The following OSBPL8 variants were observed in gnomAD, a reference collection of about 807,000 sequenced individuals.
OSBPL8 encodes the protein oxysterol-binding protein-related protein 8.
Under a neutral mutation model 125.5 loss-of-function variants are expected in OSBPL8, and 59 were observed. The observed-to-expected ratio is 0.47, with a 90% CI of 0.38 to 0.58. OSBPL8 has a LOEUF of 0.58. Among genes scored for constraint, OSBPL8 ranks in the 20% least tolerant of loss-of-function variants. The pLI, the probability that OSBPL8 is intolerant of heterozygous loss-of-function variation, is 0.00. For missense variants in OSBPL8, 758 were observed against 1,047.8 expected (o/e 0.72, Z 3.82); for synonymous variants, 330 against 338.9 (o/e 0.97, Z 0.29).
chr12:76,451,140 C>T, intron 3 of OSBPL8, 152 bp from the exon 4 acceptor site: 1 of 868,306 alleles, frequency 1.2e-6, no homozygotes, highest in Non-Finnish European at 1.7e-6. Context: ...TCACAGTCAT[C>T]TTGTTTTCAT....
At chr12:76,418,827 C>G (rs1869084032) in intron 4 of OSBPL8, among the ~76,000 whole-genome samples, 1 of 151,950 alleles carries the variant, frequency 6.6e-6, no homozygotes, top group Non-Finnish European at 1.5e-5. Context: ...AGTGAGACTC[C>G]ATCTCAAAAC....
intron 4 of OSBPL8, among the ~76,000 whole-genome samples, chr12:76,414,410 T>C (rs1868365179): frequency 6.6e-6 from 1 of 150,382 alleles, no homozygotes; most frequent in African/African-American, 2.4e-5. Flanking sequence ...TTGGTACATA[T>C]ATTAATATAT....
chr12:76,380,447 T>A (rs1178320084), intron 15 of OSBPL8, among the ~76,000 whole-genome samples: 1 of 140,600 alleles, frequency 7.1e-6, no homozygotes, highest in East Asian at 2.2e-4. Context: ...GTGCCTGTAA[T>A]CCCAGCTACT....
intron 1 of OSBPL8, among the ~76,000 whole-genome samples, chr12:76,555,482 T>C (rs1951066171): frequency 6.6e-6 from 1 of 152,178 alleles, no homozygotes; most frequent in African/African-American, 2.4e-5. Flanking sequence ...CAAGCAAATA[T>C]TAGAGTTCAT....
intron 4 of OSBPL8, among the ~76,000 whole-genome samples, chr12:76,421,525 CAGA>C (rs1175656267): frequency 1.3e-5 from 2 of 151,998 alleles, no homozygotes; most frequent in Admixed American, 1.3e-4. Flanking sequence ...TTCACTATCT[CAGA>C]AGAACACATA....
chr12:76,352,243 CA>C lies in OSBPL8; in HGVS notation c.*3645del, dbSNP rs887101884. ...GTAAAACAGTTTTACATAATAAATG[CA>C]AAAAGATAACATTTTCTAAATTTTT... On this transcript the variant is annotated 3_prime_UTR_variant, in exon 24 of 24. Coordinates refer to ENST00000261183, the MANE Select transcript of OSBPL8 (RefSeq NM_020841.5). 2 of 152,048 alleles carry C rather than the reference CA, an allele frequency of 1.3e-5. No homozygotes were observed. Among genetic ancestry groups the C allele is most frequent in the African/African-American group, 4.8e-5 (2 of 41,282 alleles). The allele number at this position is 152,048 out of a possible 1,614,324, so 9.4% of individuals were successfully genotyped here.
chr12:76,385,855 T>C (rs1469261855), intron 14 of OSBPL8, among the ~76,000 whole-genome samples: 5 of 151,854 alleles, frequency 3.3e-5, no homozygotes, highest in East Asian at 1.9e-4. Context: ...CTGAATAATT[T>C]TGAGCATGAT....
At chr12:76,487,689 T>G in intron 1 of OSBPL8, 71 bp from the exon 2 acceptor site, 1 of 537,212 alleles carries the variant, frequency 1.9e-6, no homozygotes, top group Non-Finnish European at 2.9e-6. Flanking sequence ...GCATTGAGTT[T>G]GTTAGAAGGG....
intron 4 of OSBPL8, among the ~76,000 whole-genome samples, chr12:76,436,745 G>C (rs1871503534): frequency 6.6e-6 from 1 of 151,852 alleles, no homozygotes; most frequent in Admixed American, 6.6e-5. Flanking sequence ...CTATACCTTT[G>C]AAAAGAAAGA....
At position 76,402,697 on chromosome 12, in the gene OSBPL8, A is replaced by AT. The variant is rs776784505; in HGVS notation, c.357dup (p.Ser120IlefsTer3). 6.2e-7 allele frequency: 1 copy of AT among 1,601,214 alleles called. No homozygotes were observed. The highest frequency in any genetic ancestry group is 8.6e-7 in the Non-Finnish European group (1 of 1,168,872). ...AACAACTGGAAACTAACCTTAAGAG[A>AT]TTCTTTTTTTGTGAGTTTGCTTGAA... On this transcript the variant is annotated frameshift_variant, in exon 6 of 24. Transcript: ENST00000261183. LOFTEE classifies it high-confidence loss of function.
At chr12:76,476,685 G>C (rs1437557471) in intron 2 of OSBPL8, among the ~76,000 whole-genome samples, 2 of 152,038 alleles carry the variant, frequency 1.3e-5, no homozygotes, top group African/African-American at 4.8e-5. Flanking sequence ...AGATGCAAAA[G>C]GAAGGCATAA....
At position 76,541,957 on chromosome 12, in the gene OSBPL8, AG is replaced by A. The variant is rs1364704122; in HGVS notation, c.-68+17439del. Among the ~76,000 whole-genome samples the A allele has an allele frequency of 1.4e-4, 21 of 152,252 alleles. No individual in the cohort carries two copies. The East Asian group carries it at 2.3e-3, about 17-fold the overall frequency. On this transcript the variant is annotated intron_variant, in intron 1 of 23. Coordinates refer to ENST00000261183, the MANE Select transcript of OSBPL8 (RefSeq NM_020841.5). ...GAGGCCAAGGCGGGAGGATCACCTG[AG>A]GTTGGGAGTTCGAGACCCACCTGGC...
At chr12:76,533,253 G>C (rs1950399151) in intron 1 of OSBPL8, among the ~76,000 whole-genome samples, 2 of 152,056 alleles carry the variant, frequency 1.3e-5, no homozygotes, top group African/African-American at 4.8e-5. Context: ...ATAACCATAT[G>C]CAAGAACCAG....
In OSBPL8 at chr12:76,407,265, T is replaced by C. The variant is rs76133397; in HGVS notation, c.288+3299A>G. ...GCTCATATATATACACAAATTTATA[T>C]ATTTGAGACAAGGTCTCACTTTGTC... is the stretch of plus-strand genomic sequence containing the variant. On this transcript the variant is annotated intron_variant, in intron 5 of 23. Coordinates refer to ENST00000261183, the MANE Select transcript of OSBPL8 (RefSeq NM_020841.5). Among the ~76,000 whole-genome samples the C allele has an allele frequency of 5.6e-3, 854 of 152,300 alleles. 14 individuals are homozygous for C. The highest frequency in any genetic ancestry group is 0.02 in the African/African-American group (828 of 41,556).
intron 4 of OSBPL8, among the ~76,000 whole-genome samples, chr12:76,430,920 A>C (rs1487667747): frequency 6.6e-6 from 1 of 152,238 alleles, no homozygotes; most frequent in African/African-American, 2.4e-5. Flanking sequence ...ACATAAAAGC[A>C]TATGAAAGTA....
intron 1 of OSBPL8, among the ~76,000 whole-genome samples, chr12:76,529,719 TGAG>T (rs1333566753): frequency 2.0e-5 from 3 of 152,090 alleles, no homozygotes; most frequent in Non-Finnish European, 2.9e-5. Context: ...TAGTAAGCAA[TGAG>T]GAGAACTATC....
At chr12:76,530,702 GGAGGTGCCT>G (rs1278665554) in intron 1 of OSBPL8, among the ~76,000 whole-genome samples, 2 of 152,144 alleles carry the variant, frequency 1.3e-5, no homozygotes, top group Non-Finnish European at 2.9e-5. Flanking sequence ...GCCTATCACA[GGAGGTGCCT>G]ATCACAGTAG....
intron 4 of OSBPL8, among the ~76,000 whole-genome samples, chr12:76,429,632 T>C (rs1870573683): frequency 6.6e-6 from 1 of 152,166 alleles, no homozygotes; most frequent in African/African-American, 2.4e-5. Context: ...ATAATTTTCA[T>C]GAGTGTTTTT....
At chr12:76,365,652 G>C (rs1952386862) in intron 21 of OSBPL8, among the ~76,000 whole-genome samples, 1 of 152,160 alleles carries the variant, frequency 6.6e-6, no homozygotes, top group South Asian at 2.1e-4. Flanking sequence ...AGTGGTGAAA[G>C]TGGGAATGTT....
Sources: gnomAD v4.1 joint callset for allele counts (sites outside exome capture counted in the v4.1 genomes callset) on GRCh38, gnomAD v4.1.1 for gene constraint, MANE v1.5 for transcripts, NCBI Gene and HGNC (gene_info 2026-07-23, HGNC 2026-07-21) for gene names.